The following KCTD8 variants were observed in gnomAD, a reference collection of about 807,000 sequenced individuals.
The protein encoded by KCTD8 is BTB/POZ domain-containing protein KCTD8.
Under a neutral mutation model 31.5 loss-of-function variants are expected in KCTD8, and 27 were observed. The ratio of observed to expected loss-of-function variants is 0.86; its 90% CI spans 0.63 to 1.18. KCTD8 has a LOEUF of 1.18. Among genes scored for constraint, KCTD8 ranks in the 50% most tolerant of loss-of-function variants. KCTD8 has a pLI of 0.00. For synonymous variants in KCTD8, 290 were observed against 280.0 expected (o/e 1.04, Z -0.36); for missense variants, 658 against 647.7 (o/e 1.02, Z -0.17).
In KCTD8 at chr4:44,267,544, G is replaced by A. The variant is rs369967957; in HGVS notation, c.962-92294C>T. On this transcript the variant is annotated intron_variant, in intron 1 of 1. Coordinates refer to ENST00000360029, the MANE Select transcript of KCTD8 (RefSeq NM_198353.3). ...GCAGAAGGCAAGAAATGACTAAAAT[G>A]AGAGCAGAACTGAAGGAAATAGAGA... is the stretch of plus-strand genomic sequence containing the variant. 9.9e-4 allele frequency among the ~76,000 whole-genome samples: 150 copies of A among 152,114 alleles called. 4 individuals are homozygous for A. In the South Asian group the frequency reaches 0.029, roughly 29 times the overall value.
chr4:44,290,872 A>G (rs1002939555), intron 1 of KCTD8, among the ~76,000 whole-genome samples: 1 of 152,142 alleles, frequency 6.6e-6, no homozygotes, highest in Non-Finnish European at 1.5e-5. Flanking sequence ...AAGATCTCAA[A>G]TTAACAATCT....
intron 1 of KCTD8, among the ~76,000 whole-genome samples, chr4:44,306,221 G>A (rs533576545): frequency 2.2e-4 from 33 of 151,950 alleles, no homozygotes; most frequent in Middle Eastern, 3.4e-3. Flanking sequence ...AATATAATTC[G>A]TCAGTTAAAA....
At chr4:44,312,145 G>A (rs1170686345) in intron 1 of KCTD8, among the ~76,000 whole-genome samples, 3 of 152,078 alleles carry the variant, frequency 2.0e-5, no homozygotes, top group African/African-American at 7.2e-5. Context: ...ATTGGAAAAT[G>A]TTCCTCAAAG....
In KCTD8 at chr4:44,211,788, T is replaced by G. The variant is rs115783229; in HGVS notation, c.962-36538A>C. 8.5e-3 allele frequency among the ~76,000 whole-genome samples: 1,300 copies of G among 152,236 alleles called. 24 individuals are homozygous for G. The highest frequency in any genetic ancestry group is 0.03 in the African/African-American group (1,255 of 41,562). The stretch of plus-strand genomic sequence containing the variant: ...ACTTACATATAATTAAAAGAGGAAA[T>G]TAAAAATATCCCCAATGTTAGTAAT... On this transcript the variant is annotated intron_variant, in intron 1 of 1. Coordinates refer to ENST00000360029, the MANE Select transcript of KCTD8 (RefSeq NM_198353.3).
intron 1 of KCTD8, among the ~76,000 whole-genome samples, chr4:44,321,642 C>G (rs1267819010): frequency 6.6e-6 from 1 of 152,116 alleles, no homozygotes; most frequent in Non-Finnish European, 1.5e-5. Context: ...TTGAAATATG[C>G]AATAAATTAT....
chr4:44,232,599 G>T (rs1255663601), intron 1 of KCTD8, among the ~76,000 whole-genome samples: 1 of 152,114 alleles, frequency 6.6e-6, no homozygotes, highest in Non-Finnish European at 1.5e-5. Context: ...AGCAGTGTTT[G>T]TACTTCCATA....
chr4:44,276,851 T>A lies in KCTD8; in HGVS notation c.962-101601A>T, dbSNP rs143071857. On this transcript the variant is annotated intron_variant, in intron 1 of 1. Coordinates refer to ENST00000360029, the MANE Select transcript of KCTD8 (RefSeq NM_198353.3). ...TTATTATTTCATGAGACTTACTTAC[T>A]GAAAATAATTTTTTCAGACAAAGAA... 5.1e-4 allele frequency among the ~76,000 whole-genome samples: 77 copies of A among 152,080 alleles called. No homozygotes were observed. In the East Asian group the frequency reaches 0.015, roughly 29 times the overall value.
At position 44,447,905 on chromosome 4, in the gene KCTD8, C is replaced by T. The variant is rs976910700; in HGVS notation, c.619G>A (p.Gly207Ser). ...CCCCGGTAGCCCAGCGTGAGGAAGC[C>T]CGAGCGCTTGTCCTGCGCGCCGCCG... The part of the protein sequence containing the change: ...GGGGAQDKRS[G>S]FLTLGYRGSY... Residue 207 changes from glycine to serine, a missense_variant, in exon 1 of 2, where the codon GGC becomes AGC. By Grantham distance (56) the Gly-to-Ser change is moderately conservative. Transcript: ENST00000360029. The T allele has an allele frequency of 4.0e-6, 6 of 1,510,210 alleles. No individual in the cohort carries two copies. The African/African-American group carries it at 8.5e-5, about 21-fold the overall frequency. 93.6% of individuals were successfully genotyped at this position (1,510,210 alleles called of 1,614,324 possible).
intron 1 of KCTD8, among the ~76,000 whole-genome samples, chr4:44,183,314 A>G (rs1273516869): frequency 6.6e-6 from 1 of 152,234 alleles, no homozygotes; most frequent in Non-Finnish European, 1.5e-5. Flanking sequence ...TCACACATGT[A>G]GATTTGAGAG....
At chr4:44,188,735 A>G (rs1713668953) in intron 1 of KCTD8, among the ~76,000 whole-genome samples, 1 of 152,186 alleles carries the variant, frequency 6.6e-6, no homozygotes. Flanking sequence ...ACAGAGGAGA[A>G]GGGGGCAATG....
intron 1 of KCTD8, among the ~76,000 whole-genome samples, chr4:44,381,357 T>A (rs564675577): frequency 6.6e-6 from 1 of 152,086 alleles, no homozygotes; most frequent in South Asian, 2.1e-4. Context: ...ATACAAACAA[T>A]AAATTTCTGA....
At chr4:44,352,742 A>T (rs1719235585) in intron 1 of KCTD8, among the ~76,000 whole-genome samples, 1 of 151,854 alleles carries the variant, frequency 6.6e-6, no homozygotes, top group Non-Finnish European at 1.5e-5. Context: ...TCTATGCTCA[A>T]GGTGGAAAGC....
chr4:44,447,444 A>G (rs1490756093), intron 1 of KCTD8, 119 bp downstream of exon 1: 10 of 1,409,448 alleles, frequency 7.1e-6, no homozygotes, highest in Non-Finnish European at 8.3e-6. Flanking sequence ...GCCGCTCTCT[A>G]TAAGGAGTTA....
chr4:44,434,142 G>A (rs1269300135), intron 1 of KCTD8, among the ~76,000 whole-genome samples: 2 of 151,730 alleles, frequency 1.3e-5, no homozygotes, highest in African/African-American at 4.8e-5. Context: ...AAGCTCCCAA[G>A]CTCTCTTACA....
In KCTD8 at chr4:44,193,643, C is replaced by CA. The variant is rs75394434; in HGVS notation, c.962-18394dup. On this transcript the variant is annotated intron_variant, in intron 1 of 1. Transcript: ENST00000360029. ...TTTATTTTACATCTAGGTATTTTAA[C>CA]AAAAAAAAAAAAATTAAAGGCTACA... Among the ~76,000 whole-genome samples the CA allele has an allele frequency of 6.8e-3, 895 of 132,212 alleles. 4 individuals are homozygous for CA. Among genetic ancestry groups the CA allele is most frequent in the African/African-American group, 0.011 (393 of 36,040 alleles). The allele number at this position is 132,212 out of a possible 152,430, so 86.7% of individuals were successfully genotyped here. A position where few individuals can be genotyped will look rare whatever the true frequency, so the allele number is the denominator to read the frequency against.
intron 1 of KCTD8, among the ~76,000 whole-genome samples, chr4:44,227,014 C>T (rs1360862719): frequency 6.6e-6 from 1 of 151,932 alleles, no homozygotes; most frequent in Non-Finnish European, 1.5e-5. Flanking sequence ...ATGATAGTTT[C>T]ATTTGCTGTG....
intron 1 of KCTD8, among the ~76,000 whole-genome samples, chr4:44,307,373 T>G (rs1415319671): frequency 6.6e-6 from 1 of 151,990 alleles, no homozygotes; most frequent in Non-Finnish European, 1.5e-5. Context: ...ATCTGTTGCC[T>G]AAAACTGGTC....
intron 1 of KCTD8, among the ~76,000 whole-genome samples, chr4:44,418,097 T>C (rs1721120343): frequency 6.6e-6 from 1 of 152,104 alleles, no homozygotes; most frequent in African/African-American, 2.4e-5. Context: ...CCAAAGACTG[T>C]GTGAGGACCA....
chr4:44,413,327 T>C (rs1233194652), intron 1 of KCTD8, among the ~76,000 whole-genome samples: 2 of 152,124 alleles, frequency 1.3e-5, no homozygotes, highest in Non-Finnish European at 2.9e-5. Context: ...AGCATTCGTA[T>C]AAAATGAGCA....
Sources: gnomAD v4.1 joint callset for allele counts (sites outside exome capture counted in the v4.1 genomes callset) on GRCh38, gnomAD v4.1.1 for gene constraint, MANE v1.5 for transcripts, NCBI Gene and HGNC (gene_info 2026-07-23, HGNC 2026-07-21) for gene names.